Variants in SESN3 observed in about 807,000 individuals in gnomAD.
The protein encoded by SESN3 is sestrin-3.
SESN3 carries 21 observed loss-of-function variants against 55.3 expected under a neutral mutation model. That is an observed-to-expected ratio of 0.38 (90% CI 0.27 to 0.55). The LOEUF is 0.55. SESN3 is among the 20% of genes least tolerant of loss of function. SESN3 has a pLI of 0.76. For missense variants in SESN3, 408 were observed against 604.3 expected (o/e 0.68, Z 3.41); for synonymous variants, 181 against 203.1 (o/e 0.89, Z 0.93).
intron 1 of SESN3, among the ~76,000 whole-genome samples, chr11:95,194,528 C>T (rs1860326053): frequency 6.6e-6 from 1 of 152,066 alleles, no homozygotes; most frequent in Non-Finnish European, 1.5e-5. Context: ...ACACAATCTT[C>T]ATCAATTTTG....
In SESN3 at chr11:95,170,267, T is replaced by G. The variant is rs953608597; in HGVS notation, c.*2988A>C. The G allele has an allele frequency of 6.6e-6, 1 of 152,196 alleles. No individual in the cohort carries two copies. Among genetic ancestry groups the G allele is most frequent in the African/African-American group, 2.4e-5 (1 of 41,468 alleles). 9.4% of individuals were successfully genotyped at this position (152,196 alleles called of 1,614,324 possible). Reference sequence around the variant, plus strand: ...TTTCAGGTGGGAGAGTATCTCAATATTTCTTAAGGTGATCTGAGAAATTAT... The same window carrying G: ...TTTCAGGTGGGAGAGTATCTCAATAGTTCTTAAGGTGATCTGAGAAATTAT... On this transcript the variant is annotated 3_prime_UTR_variant, in exon 10 of 10. Coordinates refer to ENST00000536441, the MANE Select transcript of SESN3 (RefSeq NM_144665.4).
At chr11:95,193,246 T>C (rs1409631724) in intron 2 of SESN3, among the ~76,000 whole-genome samples, 1 of 152,140 alleles carries the variant, frequency 6.6e-6, no homozygotes, top group Non-Finnish European at 1.5e-5. Flanking sequence ...TATTATTCTA[T>C]TTCTACTAGT....
chr11:95,227,250 C>T (rs1040624304), intron 1 of SESN3, among the ~76,000 whole-genome samples: 2 of 150,348 alleles, frequency 1.3e-5, no homozygotes, highest in East Asian at 1.9e-4. Flanking sequence ...AGTGCAGTGG[C>T]GTGACCTTGG....
Position 95,193,499 on chromosome 11 carries a change from T to C in SESN3, c.102A>G (p.Gln34=), listed in dbSNP as rs749777921. 44 of 1,594,660 alleles carry C rather than the reference T, an allele frequency of 2.8e-5. No homozygotes were observed. The highest frequency in any genetic ancestry group is 3.6e-5 in the Non-Finnish European group (42 of 1,163,710). The change falls in exon 2 of 10, where the codon CAA becomes CAG. Residue 34 remains glutamine (Q), a synonymous_variant. Transcript: ENST00000536441. ...AGGCACTTGGTCCTCTTGTCAAGGG[T>C]TGAGACACTCTGATTCTTTTATCCT... is the stretch of plus-strand genomic sequence containing the variant. The part of the protein sequence containing the change: ...LRKDKRIRVS[Q]PLTRGPSAFI...
At chr11:95,183,463 T>G (rs1307245707) in intron 6 of SESN3, among the ~76,000 whole-genome samples, 3 of 152,118 alleles carry the variant, frequency 2.0e-5, no homozygotes, top group Non-Finnish European at 4.4e-5. Flanking sequence ...GAAACAATTC[T>G]CAAAATTTAT....
rs1202546852 is a variant in SESN3, at chr11:95,178,772, C to T, written c.994G>A (p.Gly332Ser). ...CTGGCAAAGTCTTCATACCCAAAAC[C>T]AGGGTCTTCAATATATCGAGAGACA... ...SDVSRYIEDP[G>S]FGYEDFARRG... Residue 332 changes from glycine (G) to serine (S), a missense_variant, in exon 7 of 10, where the codon GGT becomes AGT. This residue lies in a region of SESN3 where 121 missense variants were observed against 204.9 expected (regional missense o/e 0.59). Coordinates refer to ENST00000536441, the MANE Select transcript of SESN3 (RefSeq NM_144665.4). 1 of 1,613,164 alleles carries T rather than the reference C, an allele frequency of 6.2e-7. No homozygotes were observed.
chr11:95,191,025 G>T (rs1383249195), intron 3 of SESN3, among the ~76,000 whole-genome samples: 1 of 151,870 alleles, frequency 6.6e-6, no homozygotes, highest in Non-Finnish European at 1.5e-5. Context: ...GGCCAAATTA[G>T]TGACATTCTT....
At chr11:95,175,900 A>G (rs1272829413) in intron 8 of SESN3, among the ~76,000 whole-genome samples, 2 of 152,224 alleles carry the variant, frequency 1.3e-5, no homozygotes, top group Non-Finnish European at 2.9e-5. Flanking sequence ...AAAATTAAAA[A>G]GATAAACACA....
chr11:95,176,626 T>C (rs1248401939), intron 8 of SESN3, among the ~76,000 whole-genome samples: 1 of 152,196 alleles, frequency 6.6e-6, no homozygotes, highest in African/African-American at 2.4e-5. Flanking sequence ...TCTGTTACAT[T>C]TTCAGTTAAT....
At chr11:95,207,058 C>T (rs1382376779) in intron 1 of SESN3, among the ~76,000 whole-genome samples, 1 of 152,144 alleles carries the variant, frequency 6.6e-6, no homozygotes, top group Non-Finnish European at 1.5e-5. Flanking sequence ...GGATTACAGG[C>T]ATGAACCACC....
chr11:95,188,599 T>C (rs1190603193), intron 4 of SESN3, among the ~76,000 whole-genome samples: 1 of 151,906 alleles, frequency 6.6e-6, no homozygotes, highest in Non-Finnish European at 1.5e-5. Flanking sequence ...CAATATACCA[T>C]AATATTAAAT....
At chr11:95,188,598 A>AT (rs1860209843) in intron 4 of SESN3, among the ~76,000 whole-genome samples, 1 of 151,904 alleles carries the variant, frequency 6.6e-6, no homozygotes, top group South Asian at 2.1e-4. Flanking sequence ...CCAATATACC[A>AT]TAATATTAAA....
intron 1 of SESN3, among the ~76,000 whole-genome samples, chr11:95,194,322 C>T (rs1461707023): frequency 6.6e-6 from 1 of 151,998 alleles, no homozygotes; most frequent in Non-Finnish European, 1.5e-5. Context: ...AATCAAACAG[C>T]CTATCAAACA....
chr11:95,228,829 C>G (rs1383943550), intron 1 of SESN3, among the ~76,000 whole-genome samples: 1 of 152,084 alleles, frequency 6.6e-6, no homozygotes, highest in Admixed American at 6.5e-5. Flanking sequence ...TCTTTTTCCA[C>G]GTTTCTTTTA....
At chr11:95,173,690 C>A (rs1178169182) in intron 9 of SESN3, among the ~76,000 whole-genome samples, 1 of 151,426 alleles carries the variant, frequency 6.6e-6, no homozygotes, top group African/African-American at 2.4e-5. Context: ...AAAAATCAGC[C>A]CTCATTTTTT....
chr11:95,187,934 T>C (rs1591053992), intron 4 of SESN3, among the ~76,000 whole-genome samples: 1 of 151,068 alleles, frequency 6.6e-6, no homozygotes, highest in Non-Finnish European at 1.5e-5. Flanking sequence ...CATCCTCACA[T>C]CCTGCCAGTC....
intron 1 of SESN3, among the ~76,000 whole-genome samples, chr11:95,225,603 G>A (rs563742633): frequency 6.6e-6 from 1 of 152,260 alleles, no homozygotes; most frequent in East Asian, 1.9e-4. Flanking sequence ...TTTGTTATTA[G>A]TTGTATGACT....
intron 1 of SESN3, among the ~76,000 whole-genome samples, chr11:95,194,198 C>T (rs922441436): frequency 6.6e-6 from 1 of 151,386 alleles, no homozygotes; most frequent in Non-Finnish European, 1.5e-5. Flanking sequence ...ATTTTAGTAT[C>T]CTCATTAAGT....
intron 6 of SESN3, among the ~76,000 whole-genome samples, chr11:95,183,644 T>C (rs1282004296): frequency 7.0e-6 from 1 of 143,556 alleles, no homozygotes; most frequent in Non-Finnish European, 1.5e-5. Flanking sequence ...ATCACGTCAC[T>C]GAACTCCACC....
Sources: allele counts gnomAD v4.1 joint callset (sites outside exome capture counted in the v4.1 genomes callset), GRCh38; gene constraint gnomAD v4.1.1; regional missense constraint gnomAD v4.1.1; transcripts MANE v1.5; gene names NCBI Gene and HGNC (gene_info 2026-07-23, HGNC 2026-07-21).